Variants in DCLK1 observed in about 807,000 individuals in gnomAD.
The protein encoded by DCLK1 is serine/threonine-protein kinase DCLK1.
DCLK1 carries 16 observed loss-of-function variants against 86.2 expected under a neutral mutation model. That is an observed-to-expected ratio of 0.19 (90% CI 0.13 to 0.28). DCLK1 has a LOEUF of 0.28. Among genes scored for constraint, DCLK1 ranks in the 10% least tolerant of loss-of-function variants. The pLI is 1.00. For missense variants in DCLK1, 590 were observed against 940.2 expected, an observed-to-expected ratio of 0.63 and a Z score of 4.87; for synonymous variants, 369 against 370.5, an observed-to-expected ratio of 1.00 and a Z score of 0.05.
At chr13:36,058,002 T>A (rs1393520014) in intron 3 of DCLK1, among the ~76,000 whole-genome samples, 1 of 152,160 alleles carries the variant, frequency 6.6e-6, no homozygotes, top group East Asian at 1.9e-4. Context: ...CTGTTTTTCA[T>A]CTTTGCACAT....
intron 3 of DCLK1, among the ~76,000 whole-genome samples, chr13:35,967,225 C>T (rs980592107): frequency 5.3e-5 from 8 of 151,140 alleles, no homozygotes; most frequent in South Asian, 2.1e-4. Flanking sequence ...CCCCTCTGCC[C>T]GGCCGCCGCC....
At position 35,916,408 on chromosome 13, in the gene DCLK1, C is replaced by A. The variant is rs149849191; in HGVS notation, c.823+30950G>T. Among the ~76,000 whole-genome samples, 491 of 152,276 alleles carry A rather than the reference C, an allele frequency of 3.2e-3. 13 individuals carry two copies. The highest frequency in any genetic ancestry group is 0.028 in the Admixed American group (434 of 15,292). On this transcript the variant is annotated intron_variant, in intron 4 of 16. Transcript: ENST00000360631. ...GACCCTCTAGGCAGCTCTCTTCCCC[C>A]TCTGCCTCTCCCTCCTCTGCCCTCT...
chr13:35,884,348 T>C (rs968113594), intron 4 of DCLK1, among the ~76,000 whole-genome samples: 4 of 152,170 alleles, frequency 2.6e-5, no homozygotes, highest in Admixed American at 6.5e-5. Context: ...TGAGACCCAG[T>C]TGAAAGCAGA....
intron 3 of DCLK1, among the ~76,000 whole-genome samples, chr13:35,967,460 A>T (rs928386089): frequency 3.3e-5 from 5 of 152,000 alleles, no homozygotes; most frequent in Non-Finnish European, 5.9e-5. Context: ...GACATAGGAG[A>T]CTCCATTTTG....
intron 3 of DCLK1, among the ~76,000 whole-genome samples, chr13:36,011,834 G>A (rs1250386708): frequency 4.7e-5 from 7 of 149,704 alleles, no homozygotes; most frequent in Non-Finnish European, 8.9e-5. Context: ...GGGTGTTAAA[G>A]TCTCCCATTA....
chr13:35,877,182 AT>A (rs1872639057), intron 4 of DCLK1, among the ~76,000 whole-genome samples: 2 of 152,226 alleles, frequency 1.3e-5, no homozygotes, highest in South Asian at 4.1e-4. Flanking sequence ...CACCCAGGAC[AT>A]GAACTCCTGA....
intron 3 of DCLK1, among the ~76,000 whole-genome samples, chr13:36,076,985 C>A (rs1011960185): frequency 6.6e-6 from 1 of 152,094 alleles, no homozygotes; most frequent in Non-Finnish European, 1.5e-5. Flanking sequence ...GATAATGCCC[C>A]CAGTGGAAAG....
At chr13:36,041,480 C>T (rs1246768674) in intron 3 of DCLK1, among the ~76,000 whole-genome samples, 4 of 152,186 alleles carry the variant, frequency 2.6e-5, no homozygotes, top group Non-Finnish European at 5.9e-5. Context: ...ACAGATTTCA[C>T]TCACTTCCGA....
chr13:35,970,641 G>GC (rs1262824804), intron 3 of DCLK1, among the ~76,000 whole-genome samples: 5 of 152,094 alleles, frequency 3.3e-5, no homozygotes, highest in Non-Finnish European at 7.4e-5. Flanking sequence ...AGCCTTTAAG[G>GC]TGCCATCCTG....
chr13:35,936,962 CTTTTTTTTTT>C (rs140269668), intron 4 of DCLK1, among the ~76,000 whole-genome samples: 2 of 65,712 alleles, frequency 3.0e-5, no homozygotes, highest in Non-Finnish European at 5.9e-5. Context: ...GAAAAGTTAG[CTTTTTTTTTT>C]TTTTTTTTTT....
rs186536316 is a variant in DCLK1 at position 35,872,911 on chromosome 13, T to C, written c.824-1571A>G. Among the ~76,000 whole-genome samples the C allele has an allele frequency of 5.6e-3, 857 of 152,288 alleles. 7 individuals carry two copies. Among genetic ancestry groups the C allele is most frequent in the African/African-American group, 0.02 (815 of 41,566 alleles). On this transcript the variant is annotated intron_variant, in intron 4 of 16. Transcript: ENST00000360631. ...ATATTTTATACATTTTCCATACTTA[T>C]ATATTATAATCATCTTTCTTGGTCA...
intron 11 of DCLK1, among the ~76,000 whole-genome samples, chr13:35,817,789 G>C (rs914403528): frequency 6.6e-6 from 1 of 152,114 alleles, no homozygotes; most frequent in African/African-American, 2.4e-5. Context: ...ATTTTTAGCA[G>C]GCTTGTCATA....
intron 4 of DCLK1, among the ~76,000 whole-genome samples, chr13:35,933,452 G>C (rs1387941921): frequency 6.6e-6 from 1 of 152,212 alleles, no homozygotes; most frequent in Non-Finnish European, 1.5e-5. Context: ...TTCTCCATGA[G>C]AGCCCTGCTC....
chr13:36,002,104 T>C (rs1481045433), intron 3 of DCLK1, among the ~76,000 whole-genome samples: 1 of 152,214 alleles, frequency 6.6e-6, no homozygotes, highest in Non-Finnish European at 1.5e-5. Context: ...AGCCAATTTT[T>C]ATCCTGGGTG....
At chr13:35,919,709 C>T (rs1875674991) in intron 4 of DCLK1, among the ~76,000 whole-genome samples, 1 of 151,992 alleles carries the variant, frequency 6.6e-6, no homozygotes, top group African/African-American at 2.4e-5. Flanking sequence ...GCCTATAATT[C>T]CAGCACTTTA....
chr13:36,000,780 G>GATC (rs780112021), intron 3 of DCLK1, among the ~76,000 whole-genome samples: 10 of 152,010 alleles, frequency 6.6e-5, no homozygotes, highest in Non-Finnish European at 1.5e-4. Context: ...ATAAATGCAG[G>GATC]ATCACGTATT....
chr13:36,108,721 A>G (rs1885496883), intron 3 of DCLK1, among the ~76,000 whole-genome samples: 1 of 152,148 alleles, frequency 6.6e-6, no homozygotes. Flanking sequence ...TATTTCCTCA[A>G]CCCAAAAACA....
chr13:36,069,847 T>C (rs1199740859), intron 3 of DCLK1, among the ~76,000 whole-genome samples: 1 of 152,180 alleles, frequency 6.6e-6, no homozygotes. Flanking sequence ...ATTTTAACTG[T>C]CAGAACTTGG....
chr13:36,128,372 C>T (rs943630629), intron 1 of DCLK1, among the ~76,000 whole-genome samples: 1 of 152,038 alleles, frequency 6.6e-6, no homozygotes, highest in Non-Finnish European at 1.5e-5. Flanking sequence ...AGATTTGAAC[C>T]CAGATTTACT....
Sources: gnomAD v4.1 joint callset for allele counts (sites outside exome capture counted in the v4.1 genomes callset) on GRCh38, gnomAD v4.1.1 for gene constraint, MANE v1.5 for transcripts, NCBI Gene and HGNC (gene_info 2026-07-23, HGNC 2026-07-21) for gene names.